The following PPP3R1 variants were observed in gnomAD, a reference collection of about 807,000 sequenced individuals.
PPP3R1 encodes calcineurin subunit B type 1.
A neutral mutation model predicts 22.6 loss-of-function variants in PPP3R1; 5 were observed. The observed-to-expected ratio is 0.22, with a 90% CI of 0.12 to 0.46. The LOEUF (loss-of-function observed/expected upper bound fraction) is 0.46. Ranked by LOEUF, PPP3R1 falls within the 20% of genes least tolerant of loss-of-function variation. PPP3R1 has a pLI of 0.99. For missense variants in PPP3R1, 61 were observed against 203.2 expected, an observed-to-expected ratio of 0.30 and a Z score of 4.25; for synonymous variants, 56 against 65.2, an observed-to-expected ratio of 0.86 and a Z score of 0.68.
At chr2:68,190,886 C>CG (rs1674652816) in intron 2 of PPP3R1, among the ~76,000 whole-genome samples, 2 of 152,126 alleles carry the variant, frequency 1.3e-5, no homozygotes, top group Non-Finnish European at 2.9e-5. Context: ...CACAAGTCCC[C>CG]GTTTAAGGCT....
At chr2:68,195,232 T>G (rs1674743009) in intron 2 of PPP3R1, among the ~76,000 whole-genome samples, 1 of 152,196 alleles carries the variant, frequency 6.6e-6, no homozygotes, top group Non-Finnish European at 1.5e-5. Context: ...CTTGATTGAT[T>G]GTCTTTCATG....
intron 1 of PPP3R1, among the ~76,000 whole-genome samples, chr2:68,223,564 CAACATT>C (rs1271186686): frequency 2.0e-5 from 3 of 151,468 alleles, no homozygotes; most frequent in African/African-American, 7.3e-5. Flanking sequence ...ACGTGATTCA[CAACATT>C]AACAGAGGAA....
rs17035103 is a variant in PPP3R1 at position 68,190,183 on chromosome 2, T to C, written c.44-1493A>G. ...TTCGTAAAGAGGAAGGAGAGTAGTA[T>C]TGTCAGTAATCATGGAAATTTCACT... On this transcript the variant is annotated intron_variant, in intron 2 of 5. Coordinates refer to ENST00000234310, the MANE Select transcript of PPP3R1 (RefSeq NM_000945.4). Among the ~76,000 whole-genome samples, 1,148 of 149,108 alleles carry C rather than the reference T, an allele frequency of 7.7e-3. 7 individuals are homozygous for C. The highest frequency in any genetic ancestry group is 0.027 in the African/African-American group (1,103 of 40,568).
intron 2 of PPP3R1, among the ~76,000 whole-genome samples, chr2:68,208,996 T>C (rs944629223): frequency 6.6e-6 from 1 of 150,880 alleles, no homozygotes; most frequent in African/African-American, 2.4e-5. Flanking sequence ...AAAATGTAAA[T>C]AGTGATTGGG....
chr2:68,243,904 G>GA (rs1391714248), intron 1 of PPP3R1, among the ~76,000 whole-genome samples: 2 of 151,308 alleles, frequency 1.3e-5, no homozygotes, highest in African/African-American at 2.4e-5. Context: ...CCACAGGCGG[G>GA]AAAAAAAAGG....
chr2:68,186,725 ATAG>A, intron 4 of PPP3R1, 73 bp from the exon 5 acceptor site: 1 of 1,291,100 alleles, frequency 7.7e-7, no homozygotes, highest in South Asian at 1.3e-5. Flanking sequence ...AAGAAAGAAA[ATAG>A]TAAACTGACA....
chr2:68,187,400 A>G lies in PPP3R1; in HGVS notation c.221-86T>C, dbSNP rs1196455364. 7 of 1,189,348 alleles carry G rather than the reference A, an allele frequency of 5.9e-6. No homozygotes were observed. The East Asian group carries it at 7.6e-5, about 13-fold the overall frequency. The allele number at this position is 1,189,348 out of a possible 1,614,324, so 73.7% of individuals were successfully genotyped here. A position where few individuals can be genotyped will look rare whatever the true frequency, so the allele number is the denominator to read the frequency against. On this transcript the variant is annotated intron_variant, in intron 3 of 5. Coordinates refer to ENST00000234310, the MANE Select transcript of PPP3R1 (RefSeq NM_000945.4). ...ATTTACCTTACATACCCACAAAAGG[A>G]TATTTCCTTGCTGCAAAACAGAAGT...
chr2:68,209,571 A>C (rs1284466109), intron 2 of PPP3R1, among the ~76,000 whole-genome samples: 1 of 151,768 alleles, frequency 6.6e-6, no homozygotes. Context: ...CTGGTAACAT[A>C]ATAAAACCCG....
At chr2:68,219,879 T>G (rs1669653793) in intron 1 of PPP3R1, among the ~76,000 whole-genome samples, 1 of 152,222 alleles carries the variant, frequency 6.6e-6, no homozygotes, top group Non-Finnish European at 1.5e-5. Flanking sequence ...ACCAAGTTAC[T>G]GACAAGATCA....
At chr2:68,249,083 T>A (rs973984830) in intron 1 of PPP3R1, among the ~76,000 whole-genome samples, 4 of 152,222 alleles carry the variant, frequency 2.6e-5, no homozygotes, top group Non-Finnish European at 5.9e-5. Flanking sequence ...AATATCCTCC[T>A]GGCCCAAGGT....
intron 1 of PPP3R1, among the ~76,000 whole-genome samples, chr2:68,232,767 C>A (rs921471374): frequency 2.0e-5 from 3 of 151,984 alleles, no homozygotes; most frequent in Non-Finnish European, 4.4e-5. Context: ...CCACTTTGCC[C>A]AGCTAATTTT....
At chr2:68,197,606 C>T (rs1051634632) in intron 2 of PPP3R1, among the ~76,000 whole-genome samples, 1 of 152,136 alleles carries the variant, frequency 6.6e-6, no homozygotes, top group Non-Finnish European at 1.5e-5. Context: ...AGTAGCTCCA[C>T]ATCCTTGCTA....
Position 68,190,481 on chromosome 2 carries a change from G to A in PPP3R1, c.44-1791C>T, listed in dbSNP as rs564830052. The stretch of plus-strand genomic sequence containing the variant: ...CTTGGGAGGCTGAGGCAGGAGAAGC[G>A]CCTGAACCTGGGAGGCGGAGGTTGC... On this transcript the variant is annotated intron_variant, in intron 2 of 5. Transcript: ENST00000234310. Among the ~76,000 whole-genome samples, 20 of 152,158 alleles carry A rather than the reference G, an allele frequency of 1.3e-4. No homozygotes were observed. In the East Asian group the frequency reaches 1.4e-3, roughly 10 times the overall value.
intron 1 of PPP3R1, among the ~76,000 whole-genome samples, chr2:68,227,997 C>G (rs1302637908): frequency 6.6e-6 from 1 of 152,142 alleles, no homozygotes; most frequent in African/African-American, 2.4e-5. Context: ...ACTTTCAGCA[C>G]TACGCTAAAA....
At chr2:68,251,956 C>G (rs1572983752) in intron 1 of PPP3R1, among the ~76,000 whole-genome samples, 169 bp downstream of exon 1, 1 of 147,722 alleles carries the variant, frequency 6.8e-6, no homozygotes, top group Admixed American at 6.7e-5. Context: ...GCAGCCGCCC[C>G]GCCGCCCTCT....
chr2:68,247,599 T>C (rs1035095010), intron 1 of PPP3R1, among the ~76,000 whole-genome samples: 1 of 152,170 alleles, frequency 6.6e-6, no homozygotes, highest in African/African-American at 2.4e-5. Context: ...GATGAAACAA[T>C]AGTCATCCCA....
At chr2:68,214,460 T>A (rs1293388535) in intron 2 of PPP3R1, among the ~76,000 whole-genome samples, 2 of 151,810 alleles carry the variant, frequency 1.3e-5, no homozygotes, top group African/African-American at 4.8e-5. Flanking sequence ...CATTAAAAAG[T>A]GGGTAAAGGA....
chr2:68,204,130 T>G (rs542695281), intron 2 of PPP3R1, among the ~76,000 whole-genome samples: 1 of 152,070 alleles, frequency 6.6e-6, no homozygotes, highest in Admixed American at 6.6e-5. Context: ...TAAGGTAGTA[T>G]CTTGCACTCA....
intron 1 of PPP3R1, among the ~76,000 whole-genome samples, chr2:68,232,181 G>A (rs1314796799): frequency 1.2e-4 from 9 of 73,078 alleles, no homozygotes; most frequent in African/African-American, 4.8e-4. Context: ...ACATATATAC[G>A]TATATGTATA....
Sources: gnomAD v4.1 joint callset for allele counts (sites outside exome capture counted in the v4.1 genomes callset) on GRCh38, gnomAD v4.1.1 for gene constraint, MANE v1.5 for transcripts, NCBI Gene and HGNC (gene_info 2026-07-23, HGNC 2026-07-21) for gene names.